Variants in MCU observed in about 807,000 individuals in gnomAD.
MCU encodes the protein calcium uniporter protein, mitochondrial.
MCU carries 12 observed loss-of-function variants against 45.2 expected under a neutral mutation model. The observed-to-expected ratio is 0.27, with a 90% CI of 0.17 to 0.43. MCU has a LOEUF of 0.43. Ranked by LOEUF, MCU falls within the 20% of genes least tolerant of loss-of-function variation. The probability of loss-of-function intolerance (pLI) is 1.00; values close to 1 mark genes in which losing one functional copy is unlikely to be tolerated. For synonymous variants in MCU, 160 were observed against 165.1 expected, an observed-to-expected ratio of 0.97 and a Z score of 0.24; for missense variants, 324 against 436.7, an observed-to-expected ratio of 0.74 and a Z score of 2.30.
At chr10:72,839,798 A>C (rs1013953423) in intron 2 of MCU, among the ~76,000 whole-genome samples, 1 of 130,534 alleles carries the variant, frequency 7.7e-6, no homozygotes, top group Non-Finnish European at 1.7e-5. Context: ...CTAAGAATAC[A>C]AAAAAAAAAA....
At chr10:72,785,416 C>T (rs1013130679) in intron 1 of MCU, among the ~76,000 whole-genome samples, 1 of 152,122 alleles carries the variant, frequency 6.6e-6, no homozygotes, top group Admixed American at 6.5e-5. Flanking sequence ...TTAGAGTTTT[C>T]AAAAATGTGC....
chr10:72,863,876 A>G (rs1845415740), intron 4 of MCU, among the ~76,000 whole-genome samples: 1 of 152,100 alleles, frequency 6.6e-6, no homozygotes, highest in Admixed American at 6.6e-5. Flanking sequence ...TTGGCCTCCC[A>G]AAGTGCTGGG....
At chr10:72,797,246 C>A (rs1238101247) in intron 1 of MCU, among the ~76,000 whole-genome samples, 1 of 144,298 alleles carries the variant, frequency 6.9e-6, no homozygotes, top group Admixed American at 7.0e-5. Context: ...TTTTTTAAGA[C>A]GGGATCTCAC....
At chr10:72,734,669 G>A (rs1193769225) in intron 1 of MCU, among the ~76,000 whole-genome samples, 1 of 151,982 alleles carries the variant, frequency 6.6e-6, no homozygotes, top group East Asian at 1.9e-4. Flanking sequence ...GCTGGAGCTT[G>A]GTGGCCTGAT....
chr10:72,782,149 A>T (rs561231782), intron 1 of MCU, among the ~76,000 whole-genome samples: 26 of 152,278 alleles, frequency 1.7e-4, no homozygotes, highest in African/African-American at 6.3e-4. Flanking sequence ...TTGGCAGTAC[A>T]AAAGATTGTG....
At chr10:72,711,859 C>T (rs866035907) in intron 1 of MCU, among the ~76,000 whole-genome samples, 1 of 151,328 alleles carries the variant, frequency 6.6e-6, no homozygotes, top group South Asian at 2.1e-4. Context: ...CTACAGGCGC[C>T]CACCACCACT....
intron 2 of MCU, among the ~76,000 whole-genome samples, chr10:72,855,957 T>C (rs1845284010): frequency 6.6e-6 from 1 of 152,168 alleles, no homozygotes; most frequent in Non-Finnish European, 1.5e-5. Flanking sequence ...TCATAAAAGC[T>C]TTATTCATAG....
chr10:72,826,408 A>G (rs1216177053), intron 1 of MCU, among the ~76,000 whole-genome samples: 1 of 152,254 alleles, frequency 6.6e-6, no homozygotes, highest in Non-Finnish European at 1.5e-5. Context: ...AATATTTTTA[A>G]AAGTGCTTTG....
At chr10:72,882,533 G>C (rs1845720466) in intron 6 of MCU, among the ~76,000 whole-genome samples, 1 of 152,118 alleles carries the variant, frequency 6.6e-6, no homozygotes, top group African/African-American at 2.4e-5. Context: ...GGTCGAAACT[G>C]TAGGGATGAA....
intron 1 of MCU, chr10:72,766,591 T>G (rs1589450421): frequency 6.6e-6 from 1 of 152,196 alleles, no homozygotes; most frequent in African/African-American, 2.4e-5. Context: ...TCATCTGTAC[T>G]TTAGGAGATT....
intron 2 of MCU, 79 bp from the exon 3 acceptor site, chr10:72,859,098 C>T: frequency 1.6e-6 from 2 of 1,290,134 alleles, no homozygotes; most frequent in Non-Finnish European, 2.1e-6. Flanking sequence ...AATAGACCCC[C>T]ATGCAAGAAT....
chr10:72,819,004 C>T (rs1004243061), intron 1 of MCU, among the ~76,000 whole-genome samples: 4 of 152,058 alleles, frequency 2.6e-5, no homozygotes, highest in South Asian at 2.1e-4. Context: ...CCAGTTTTTA[C>T]TCTGTTGTAT....
chr10:72,856,106 A>G (rs2132863883), intron 2 of MCU, among the ~76,000 whole-genome samples: 1 of 152,352 alleles, frequency 6.6e-6, no homozygotes, highest in African/African-American at 2.4e-5. Context: ...ACTAATAACA[A>G]CATAGGTGAA....
At position 72,834,307 on chromosome 10, in the gene MCU, T is replaced by A. The variant is rs543373137; in HGVS notation, c.151-52T>A. The A allele has an allele frequency of 1.2e-5, 16 of 1,306,436 alleles. No homozygotes were observed. The African/African-American group carries it at 2.3e-4, about 19-fold the overall frequency. 80.9% of individuals were successfully genotyped at this position (1,306,436 alleles called of 1,614,324 possible). ...TATTTATTATATACACACACATAAG[T>A]ATATGTTTGTTGTTCCATTCTGACA... On this transcript the variant is annotated intron_variant, in intron 1 of 7. Coordinates refer to ENST00000373053, the MANE Select transcript of MCU (RefSeq NM_138357.3).
intron 1 of MCU, among the ~76,000 whole-genome samples, chr10:72,760,264 T>C (rs2132721700): frequency 6.6e-6 from 1 of 152,224 alleles, no homozygotes; most frequent in South Asian, 2.1e-4. Context: ...TTGCTCAGGC[T>C]GCTCTTGAAG....
In MCU at chr10:72,737,385, G is replaced by A. The variant is rs550977145; in HGVS notation, c.150+45084G>A. On this transcript the variant is annotated intron_variant, in intron 1 of 7. Coordinates refer to ENST00000373053, the MANE Select transcript of MCU (RefSeq NM_138357.3). ...GTAAAATGCCCATTGCTAGGCCTGG[G>A]CCCCAGACTTTAAAGAGCATATAGT... 2.0e-5 allele frequency among the ~76,000 whole-genome samples: 3 copies of A among 152,192 alleles called. No individual in the cohort carries two copies. In the South Asian group the frequency reaches 6.2e-4, roughly 31 times the overall value.
chr10:72,783,946 T>C (rs938779826), intron 1 of MCU, among the ~76,000 whole-genome samples: 1 of 152,202 alleles, frequency 6.6e-6, no homozygotes, highest in Admixed American at 6.5e-5. Context: ...TTAGGAAGTC[T>C]AGAGCCATAG....
In MCU at chr10:72,857,093, CAT is replaced by C. The variant is rs533418630; in HGVS notation, c.221-2083_221-2082del. Reference sequence around the variant, plus strand: ...TCCTGAGTAGCTGAGACTACAGACACATGTCGCCACATCTGGTCAACTTTTGA... The same window carrying C: ...TCCTGAGTAGCTGAGACTACAGACACGTCGCCACATCTGGTCAACTTTTGA... On this transcript the variant is annotated intron_variant, in intron 2 of 7. Coordinates refer to ENST00000373053, the MANE Select transcript of MCU (RefSeq NM_138357.3). Among the ~76,000 whole-genome samples, 106 of 151,978 alleles carry C rather than the reference CAT, an allele frequency of 7.0e-4. 1 individual carries two copies. The highest frequency in any genetic ancestry group is 7.2e-4 in the African/African-American group (30 of 41,460).
At chr10:72,738,942 T>C (rs7918016) in intron 1 of MCU, among the ~76,000 whole-genome samples, 16,870 of 152,192 alleles carry the variant, frequency 0.11, 3,119 homozygotes, top group African/African-American at 0.38. Flanking sequence ...TTTTAAGGCT[T>C]CAACTCTTTT....
Sources: allele counts gnomAD v4.1 joint callset (sites outside exome capture counted in the v4.1 genomes callset), GRCh38; gene constraint gnomAD v4.1.1; transcripts MANE v1.5; gene names NCBI Gene and HGNC (gene_info 2026-07-23, HGNC 2026-07-21).